SUN1: variants seen among roughly 807,000 people sequenced by gnomAD.
The protein encoded by SUN1 is SUN domain-containing protein 1.
A neutral mutation model predicts 103.2 loss-of-function variants in SUN1; 61 were observed. The observed-to-expected ratio is 0.59, with a 90% confidence interval of 0.48 to 0.73. The LOEUF (loss-of-function observed/expected upper bound fraction) is 0.73. SUN1 is among the 30% of genes least tolerant of loss of function. The pLI is 0.00. For synonymous variants in SUN1, 490 were observed against 425.7 expected (o/e 1.15, Z -1.86); for missense variants, 1,052 against 1,034.6 (o/e 1.02, Z -0.23).
chr7:853,436 T>C lies in SUN1; in HGVS notation c.1081T>C (p.Trp361Arg). Residue 361 changes from tryptophan (W) to arginine (R), a missense_variant, in exon 10 of 19, where the codon TGG (tryptophan) becomes CGG (arginine). By Grantham distance (101) the Trp-to-Arg change is moderately radical. Around this residue, in one of 2 missense-constraint regions of SUN1, gnomAD observed 846 missense variants for 774.5 expected, o/e 1.09. Transcript: ENST00000401592. ...QGDSEAFPWH[W>R]MSGVEQQVAS... Reference sequence around the variant, plus strand: ...TGACAGTGAGGCTTTTCCGTGGCATTGGATGAGTGGCGTGGAGCAGCAGGT... The same window carrying C: ...TGACAGTGAGGCTTTTCCGTGGCATCGGATGAGTGGCGTGGAGCAGCAGGT... 6.2e-7 allele frequency: 1 copy of C among 1,613,954 alleles called. No homozygotes were observed. The highest frequency in any genetic ancestry group is 1.1e-5 in the South Asian group (1 of 91,084).
At chr7:847,896 C>A (rs1817774101) in intron 5 of SUN1, among the ~76,000 whole-genome samples, 1 of 150,952 alleles carries the variant, frequency 6.6e-6, no homozygotes, top group Non-Finnish European at 1.5e-5. Context: ...AGCGCCGTCT[C>A]CGGGATCCCC....
intron 5 of SUN1, 98 bp downstream of exon 5, chr7:843,618 A>T: frequency 1.2e-6 from 2 of 1,604,770 alleles, no homozygotes. Flanking sequence ...TGTCTTGGAG[A>T]CTTAAAATTA....
rs1409527527 is a variant in SUN1, at chr7:857,677, A to T, written c.1395-151A>T. 5.1e-6 allele frequency: 5 copies of T among 990,078 alleles called. No individual in the cohort carries two copies. The Admixed American group carries it at 1.4e-4, about 28-fold the overall frequency. The allele number at this position is 990,078 out of a possible 1,614,324, so 61.3% of individuals were successfully genotyped here. The stretch of plus-strand genomic sequence containing the variant: ...TCTGGGAACTGTATTTGAAACTGGC[A>T]TCCAGTTTCCACGTTAGTGTGGCAC... On this transcript the variant is annotated intron_variant, in intron 12 of 18. Coordinates refer to ENST00000401592, the MANE Select transcript of SUN1 (RefSeq NM_001130965.3).
chr7:835,359 C>T (rs1346233187), intron 1 of SUN1, among the ~76,000 whole-genome samples: 1 of 152,226 alleles, frequency 6.6e-6, no homozygotes, highest in Non-Finnish European at 1.5e-5. Flanking sequence ...TTCTTTAAAG[C>T]CAGTCTCTAA....
chr7:825,660 T>C (rs2128173836), intron 1 of SUN1, among the ~76,000 whole-genome samples: 1 of 152,364 alleles, frequency 6.6e-6, no homozygotes, highest in South Asian at 2.1e-4. Context: ...CCGGTTTTCA[T>C]AAACCAACAG....
At chr7:852,768 G>A in intron 8 of SUN1, 42 bp from the exon 9 acceptor site, 1 of 1,612,404 alleles carries the variant, frequency 6.2e-7, no homozygotes, top group South Asian at 1.1e-5. Context: ...GTTTTGAGAA[G>A]CGTGGTGTAC....
chr7:839,980 T>C (rs1807644459), intron 2 of SUN1, among the ~76,000 whole-genome samples: 1 of 152,246 alleles, frequency 6.6e-6, no homozygotes, highest in Non-Finnish European at 1.5e-5. Context: ...CGTGCCCACT[T>C]CTGTGCAGAG....
intron 1 of SUN1, among the ~76,000 whole-genome samples, chr7:827,287 G>C (rs540854637): frequency 6.6e-6 from 1 of 151,990 alleles, no homozygotes; most frequent in Non-Finnish European, 1.5e-5. Flanking sequence ...TGGCCTCCCA[G>C]AGTGCTGGGA....
intron 14 of SUN1, 34 bp downstream of exon 14, chr7:860,416 C>T (rs1449795213): frequency 6.2e-7 from 1 of 1,606,286 alleles, no homozygotes. Context: ...GAGATGCTTA[C>T]AGTCCATTCT....
At position 852,841 on chromosome 7, in the gene SUN1, C is replaced by A. The variant is rs867180336; in HGVS notation, c.942C>A (p.Phe314Leu). The change falls in exon 9 of 19, where the codon TTC becomes TTA. Residue 314 changes from phenylalanine (F) to leucine (L), a missense_variant. By Grantham distance (22) the Phe-to-Leu change is conservative (BLOSUM62 0). Around this residue, in one of 2 missense-constraint regions of SUN1, gnomAD observed 846 missense variants for 774.5 expected, o/e 1.09. Coordinates refer to ENST00000401592, the MANE Select transcript of SUN1 (RefSeq NM_001130965.3). Reference sequence around the variant, plus strand: ...TCTCCTTACGGGGCCAGGGCAATTTCTTTTCGTTCTTGCCCGTGTTGAACT... The same window carrying A: ...TCTCCTTACGGGGCCAGGGCAATTTATTTTCGTTCTTGCCCGTGTTGAACT... ...AGLSLRGQGN[F>L]FSFLPVLNWA... 7 of 1,613,718 alleles carry A rather than the reference C, an allele frequency of 4.3e-6. No individual in the cohort carries two copies. The highest frequency in any genetic ancestry group is 1.7e-4 in the Middle Eastern group (1 of 6,056).
chr7:852,925 G>T lies in SUN1; in HGVS notation c.1026G>T (p.Thr342=). 6.2e-7 allele frequency: 1 copy of T among 1,613,694 alleles called. No homozygotes were observed. Among genetic ancestry groups the T allele is most frequent in the South Asian group, 1.1e-5 (1 of 91,016 alleles). The change falls in exon 9 of 19, where the codon ACG becomes ACT. Residue 342 remains threonine (T), a synonymous_variant. Transcript: ENST00000401592. The stretch of plus-strand genomic sequence containing the variant: ...ACCCCCAGGACGTGTTTAAACCCAC[G>T]ACTTCTCGCCTGAAGCAGCCTCTGC... The part of the protein sequence containing the change: ...VDDPQDVFKP[T]TSRLKQPLQG...
Position 861,374 on chromosome 7 carries a change from G to T in SUN1, c.1780-6G>T. ...GTTTGGTCTTCCGTCCCTCGTGTCT[G>T]TCCAGCAAGCACGTGCCATCGTGAA... On this transcript the variant is annotated splice_region_variant and splice_polypyrimidine_tract_variant and intron_variant, in intron 14 of 18. Coordinates refer to ENST00000401592, the MANE Select transcript of SUN1 (RefSeq NM_001130965.3). The T allele has an allele frequency of 6.2e-7, 1 of 1,614,190 alleles. No individual in the cohort carries two copies. Among genetic ancestry groups the T allele is most frequent in the South Asian group, 1.1e-5 (1 of 91,088 alleles).
chr7:821,909 C>T (rs550282640), intron 1 of SUN1, among the ~76,000 whole-genome samples: 7 of 152,250 alleles, frequency 4.6e-5, no homozygotes, highest in East Asian at 1.9e-4. Flanking sequence ...TTTCCCTGTG[C>T]GTATTTGGTG....
At position 852,665 on chromosome 7, in the gene SUN1, T is replaced by C; in HGVS notation, c.908T>C (p.Leu303Pro). ...LVLLIPLFLLLAGLSLRGQGN... is the reference protein window; with the variant it reads ...LVLLIPLFLLPAGLSLRGQGN... ...TTGCTCATCCCACTCTTCCTTTTACTAGGTAAGTCAAATCTGGCTGAGTTG... is the reference window on the plus strand; with the variant it reads ...TTGCTCATCCCACTCTTCCTTTTACCAGGTAAGTCAAATCTGGCTGAGTTG... The change falls in exon 8 of 19, where the codon CTA becomes CCA. Residue 303 changes from leucine to proline, a missense_variant and splice_region_variant. This residue lies in a region of SUN1 where 846 missense variants were observed against 774.5 expected (regional missense o/e 1.09). Coordinates refer to ENST00000401592, the MANE Select transcript of SUN1 (RefSeq NM_001130965.3). 1 of 1,614,206 alleles carries C rather than the reference T, an allele frequency of 6.2e-7. No homozygotes were observed. Among genetic ancestry groups the C allele is most frequent in the Non-Finnish European group, 8.5e-7 (1 of 1,180,032 alleles).
intron 13 of SUN1, among the ~76,000 whole-genome samples, chr7:859,518 AGCTAC>A (rs1830493931): frequency 1.3e-5 from 2 of 152,188 alleles, no homozygotes; most frequent in South Asian, 4.1e-4. Flanking sequence ...GGTAGAAAGC[AGCTAC>A]GTGCCATTGT....
intron 1 of SUN1, among the ~76,000 whole-genome samples, chr7:824,472 C>G (rs1246729111): frequency 6.6e-6 from 1 of 152,164 alleles, no homozygotes; most frequent in African/African-American, 2.4e-5. Context: ...TACAATGAAA[C>G]TATTTAAACT....
chr7:818,688 C>A (rs1783139043), intron 1 of SUN1, among the ~76,000 whole-genome samples: 1 of 152,126 alleles, frequency 6.6e-6, no homozygotes, highest in Non-Finnish European at 1.5e-5. Context: ...TCTCCACATC[C>A]CCCCAACACT....
upstream of SUN1, chr7:832,369 G>T: frequency 1.3e-6 from 1 of 746,384 alleles, no homozygotes; most frequent in Non-Finnish European, 2.3e-6. Flanking sequence ...AAACACTGCT[G>T]CTGGCCGTGT....
intron 17 of SUN1, among the ~76,000 whole-genome samples, chr7:870,617 T>C (rs973515373): frequency 6.6e-6 from 1 of 152,040 alleles, no homozygotes; most frequent in African/African-American, 2.4e-5. Flanking sequence ...GAGGAAATTG[T>C]ATTATGAGCA....
Sources: gnomAD v4.1 joint callset for allele counts (sites outside exome capture counted in the v4.1 genomes callset) on GRCh38, gnomAD v4.1.1 for gene constraint, gnomAD v4.1.1 regional missense constraint, MANE v1.5 for transcripts, NCBI Gene and HGNC (gene_info 2026-07-23, HGNC 2026-07-21) for gene names.